Variants in CLVS1 observed in about 807,000 individuals in gnomAD.
The protein encoded by CLVS1 is clavesin-1.
Under a neutral mutation model 33.1 loss-of-function variants are expected in CLVS1, and 10 were observed. That is an observed-to-expected ratio of 0.30 (90% CI 0.19 to 0.51). CLVS1 has a LOEUF of 0.51. Ranked by LOEUF, CLVS1 falls within the 20% of genes least tolerant of loss-of-function variation. CLVS1 has a pLI of 0.97. For synonymous variants in CLVS1, 163 were observed against 166.1 expected, an observed-to-expected ratio of 0.98 and a Z score of 0.14; for missense variants, 343 against 433.4, an observed-to-expected ratio of 0.79 and a Z score of 1.85.
intron 2 of CLVS1, among the ~76,000 whole-genome samples, chr8:61,197,189 T>C (rs1305684800): frequency 2.0e-5 from 3 of 152,178 alleles, no homozygotes; most frequent in Non-Finnish European, 4.4e-5. Context: ...CCATTTTTAT[T>C]TGATTTTTGT....
intron 1 of CLVS1, among the ~76,000 whole-genome samples, chr8:61,113,103 C>T (rs1023835587): frequency 6.6e-6 from 1 of 152,036 alleles, no homozygotes; most frequent in African/African-American, 2.4e-5. Context: ...CTGAGGGTCC[C>T]TATGTGAGAA....
chr8:61,356,099 T>C (rs1812692749), intron 2 of CLVS1, among the ~76,000 whole-genome samples: 2 of 151,932 alleles, frequency 1.3e-5, no homozygotes, highest in Non-Finnish European at 2.9e-5. Context: ...TTTTAACGAT[T>C]GCCATTCTAA....
chr8:61,195,442 G>T (rs1459470817), intron 2 of CLVS1, among the ~76,000 whole-genome samples: 1 of 151,852 alleles, frequency 6.6e-6, no homozygotes, highest in African/African-American at 2.4e-5. Flanking sequence ...ATATATTGTA[G>T]TGAGTACTTA....
chr8:61,392,882 T>C (rs1814363894), intron 3 of CLVS1, among the ~76,000 whole-genome samples: 2 of 152,116 alleles, frequency 1.3e-5, no homozygotes, highest in Non-Finnish European at 2.9e-5. Context: ...TAATTCTTTT[T>C]CTTTTCTTTT....
chr8:61,443,043 A>C (rs1024940979), intron 3 of CLVS1, among the ~76,000 whole-genome samples: 1 of 151,894 alleles, frequency 6.6e-6, no homozygotes, highest in African/African-American at 2.4e-5. Context: ...TCTTTGGTAA[A>C]ATTTTCTGGC....
At chr8:61,401,685 T>G (rs1209877743) in intron 3 of CLVS1, among the ~76,000 whole-genome samples, 5 of 152,194 alleles carry the variant, frequency 3.3e-5, no homozygotes, top group Non-Finnish European at 5.9e-5. Flanking sequence ...ATTGACATTC[T>G]TCACAGTTTT....
intron 4 of CLVS1, among the ~76,000 whole-genome samples, chr8:61,455,350 G>C (rs1028190985): frequency 9.2e-5 from 14 of 151,970 alleles, no homozygotes; most frequent in African/African-American, 3.1e-4. Flanking sequence ...TCTTTTTCCA[G>C]TGTCTCTCCA....
the CLVS1 span, among the ~76,000 whole-genome samples, chr8:61,012,483 C>T: frequency 6.6e-5 from 10 of 152,114 alleles, no homozygotes; most frequent in Admixed American, 3.3e-4. Flanking sequence ...GAGATACAGC[C>T]CGAGAGTGAT....
At chr8:61,265,403 A>G (rs1322113569) in intron 2 of CLVS1, among the ~76,000 whole-genome samples, 1 of 152,202 alleles carries the variant, frequency 6.6e-6, no homozygotes, top group Non-Finnish European at 1.5e-5. Context: ...TTAACTATAA[A>G]TGGGCATAAT....
the CLVS1 span, among the ~76,000 whole-genome samples, chr8:60,976,128 C>G: frequency 1.3e-5 from 2 of 152,072 alleles, no homozygotes; most frequent in Non-Finnish European, 2.9e-5. Flanking sequence ...AATTTTTTTT[C>G]AATTCAAGTT....
intron 2 of CLVS1, among the ~76,000 whole-genome samples, chr8:61,346,821 A>G (rs917311527): frequency 2.6e-5 from 4 of 152,182 alleles, no homozygotes; most frequent in African/African-American, 4.8e-5. Flanking sequence ...AATGTGATCA[A>G]TGTTCAGAGA....
At chr8:61,187,419 C>G (rs1480127023) in intron 2 of CLVS1, among the ~76,000 whole-genome samples, 1 of 152,106 alleles carries the variant, frequency 6.6e-6, no homozygotes, top group African/African-American at 2.4e-5. Flanking sequence ...ATGTGCTGAC[C>G]TTCCCCCATT....
the CLVS1 span, among the ~76,000 whole-genome samples, chr8:60,976,362 CTT>C: frequency 5.5e-5 from 8 of 144,880 alleles, no homozygotes; most frequent in African/African-American, 5.0e-5. Context: ...TTCTTTCTTT[CTT>C]TTTTTTTTTT....
intron 2 of CLVS1, among the ~76,000 whole-genome samples, chr8:61,319,325 G>A (rs1361157522): frequency 6.6e-6 from 1 of 152,034 alleles, no homozygotes; most frequent in Non-Finnish European, 1.5e-5. Flanking sequence ...CCAGATATTG[G>A]GTATTGCACC....
chr8:61,362,114 A>G (rs1813003943), intron 2 of CLVS1, among the ~76,000 whole-genome samples: 1 of 152,216 alleles, frequency 6.6e-6, no homozygotes, highest in Admixed American at 6.5e-5. Context: ...GGCTGAGAAC[A>G]CGGGCCAAGC....
At chr8:61,395,960 A>G (rs1006195601) in intron 3 of CLVS1, among the ~76,000 whole-genome samples, 8 of 152,170 alleles carry the variant, frequency 5.3e-5, no homozygotes, top group African/African-American at 7.2e-5. Flanking sequence ...AGTAATATAT[A>G]TATTTTCCCA....
chr8:61,054,256 C>G (rs1238624091), upstream of CLVS1, among the ~76,000 whole-genome samples: 1 of 152,172 alleles, frequency 6.6e-6, no homozygotes, highest in African/African-American at 2.4e-5. Flanking sequence ...CTGCAGCAGC[C>G]TCTGACGCAG....
At chr8:61,191,758 A>C (rs1353640162) in intron 2 of CLVS1, among the ~76,000 whole-genome samples, 1 of 152,224 alleles carries the variant, frequency 6.6e-6, no homozygotes, top group East Asian at 1.9e-4. Context: ...CCAAATCATG[A>C]GTGAACTCCC....
chr8:61,107,009 G>A (rs577315408), intron 1 of CLVS1, among the ~76,000 whole-genome samples: 1 of 152,282 alleles, frequency 6.6e-6, no homozygotes, highest in South Asian at 2.1e-4. Flanking sequence ...ATAAAAGGTG[G>A]TTTTGGAGGG....
Sources: allele counts gnomAD v4.1 joint callset (sites outside exome capture counted in the v4.1 genomes callset), GRCh38; gene constraint gnomAD v4.1.1; transcripts MANE v1.5; gene names NCBI Gene and HGNC (gene_info 2026-07-23, HGNC 2026-07-21).